The following EPG5 variants were observed in gnomAD, a reference collection of about 807,000 sequenced individuals.
The protein encoded by EPG5 is ectopic P granules protein 5 homolog.
EPG5 carries 159 observed loss-of-function variants against 302.7 expected under a neutral mutation model. The observed-to-expected ratio is 0.53, with a 90% CI of 0.46 to 0.60. The LOEUF (loss-of-function observed/expected upper bound fraction) is 0.60, where lower values mean the gene tolerates loss of function less well. EPG5 is among the 20% of genes least tolerant of loss of function. The pLI, the probability that EPG5 is intolerant of heterozygous loss-of-function variation, is 0.00. For missense variants in EPG5, 2,896 were observed against 3,092.4 expected, an observed-to-expected ratio of 0.94 and a Z score of 1.51; for synonymous variants, 1,158 against 1,136.8, an observed-to-expected ratio of 1.02 and a Z score of -0.37.
At chr18:45,911,078 T>TAA (rs1555673370) in intron 22 of EPG5, among the ~76,000 whole-genome samples, 1 of 135,334 alleles carries the variant, frequency 7.4e-6, no homozygotes, top group Non-Finnish European at 1.6e-5. Flanking sequence ...TATCTATCTA[T>TAA]ACACACACAC....
At chr18:45,822,953 C>T in the EPG5 span, among the ~76,000 whole-genome samples, 1 of 152,092 alleles carries the variant, frequency 6.6e-6, no homozygotes, top group Non-Finnish European at 1.5e-5. Flanking sequence ...CAGCCACATC[C>T]CCAAGTTCCC....
chr18:45,866,411 G>A (rs545745714), intron 38 of EPG5, among the ~76,000 whole-genome samples: 54 of 152,154 alleles, frequency 3.5e-4, no homozygotes, highest in Non-Finnish European at 5.9e-4. Context: ...GTGAGCCACC[G>A]CACCCAGCCT....
chr18:45,920,394 A>G (rs2050127999), intron 16 of EPG5, among the ~76,000 whole-genome samples: 1 of 152,174 alleles, frequency 6.6e-6, no homozygotes, highest in Non-Finnish European at 1.5e-5. Flanking sequence ...GGAACACAAC[A>G]TCACTCTGCT....
chr18:45,825,957 C>T, the EPG5 span, among the ~76,000 whole-genome samples: 64 of 152,216 alleles, frequency 4.2e-4, 1 homozygote, highest in Non-Finnish European at 9.1e-4. Flanking sequence ...CAAATCAGTG[C>T]TGTGTCTTGG....
chr18:45,922,695 C>A, intron 15 of EPG5, 95 bp from the exon 16 acceptor site: 1 of 1,407,302 alleles, frequency 7.1e-7, no homozygotes. Context: ...ACAATGCCCT[C>A]AACGCAGAGG....
chr18:45,832,768 G>A, the EPG5 span, among the ~76,000 whole-genome samples: 5 of 152,214 alleles, frequency 3.3e-5, no homozygotes, highest in Non-Finnish European at 5.9e-5. Context: ...TAAGCTGCCA[G>A]AGGGAATTGT....
intron 16 of EPG5, among the ~76,000 whole-genome samples, chr18:45,919,473 A>G (rs890075372): frequency 1.3e-5 from 2 of 152,206 alleles, no homozygotes; most frequent in Non-Finnish European, 2.9e-5. Context: ...TGCACTCAAG[A>G]GAATCACGTC....
At chr18:45,909,402 T>C (rs2049840321) in intron 23 of EPG5, among the ~76,000 whole-genome samples, 1 of 152,144 alleles carries the variant, frequency 6.6e-6, no homozygotes, top group African/African-American at 2.4e-5. Flanking sequence ...ACAAGCAACA[T>C]AAGGGAAGAA....
At chr18:45,932,212 A>G in intron 11 of EPG5, among the ~76,000 whole-genome samples, 1 of 152,166 alleles carries the variant, frequency 6.6e-6, no homozygotes, top group East Asian at 1.9e-4. Flanking sequence ...TATATTTTAA[A>G]TAACTCTATA....
At chr18:45,833,590 G>A in the EPG5 span, among the ~76,000 whole-genome samples, 4 of 152,180 alleles carry the variant, frequency 2.6e-5, no homozygotes, top group Non-Finnish European at 4.4e-5. Flanking sequence ...TGGAATTACA[G>A]GCATGAGCCA....
chr18:45,820,152 G>A, the EPG5 span, among the ~76,000 whole-genome samples: 3 of 152,050 alleles, frequency 2.0e-5, no homozygotes, highest in South Asian at 2.1e-4. Flanking sequence ...GAAAATAACC[G>A]GGTTTTCCAG....
chr18:45,841,201 C>G, the EPG5 span: 1 of 152,586 alleles, frequency 6.6e-6, no homozygotes, highest in Non-Finnish European at 1.5e-5. Flanking sequence ...AGATCAAGTT[C>G]TCTTGGAGGA....
the EPG5 span, among the ~76,000 whole-genome samples, chr18:45,812,327 A>C: frequency 6.6e-6 from 1 of 152,236 alleles, no homozygotes; most frequent in African/African-American, 2.4e-5. Context: ...AATATCGTGA[A>C]AATGGCCACA....
chr18:45,957,346 A>G (rs993402322), intron 1 of EPG5, among the ~76,000 whole-genome samples: 6 of 152,230 alleles, frequency 3.9e-5, no homozygotes, highest in South Asian at 2.1e-4. Flanking sequence ...CAGATCCAGA[A>G]GTCAGTCACC....
At chr18:45,815,751 G>A in the EPG5 span, among the ~76,000 whole-genome samples, 5 of 152,028 alleles carry the variant, frequency 3.3e-5, no homozygotes, top group Non-Finnish European at 7.4e-5. Flanking sequence ...AATTCACAAC[G>A]ATACTACCAT....
chr18:45,952,471 T>A lies in EPG5; in HGVS notation c.1181A>T (p.Glu394Val), dbSNP rs1335399941. The A allele has an allele frequency of 6.8e-6, 11 of 1,614,208 alleles. No individual in the cohort carries two copies. The highest frequency in any genetic ancestry group is 9.3e-6 in the Non-Finnish European group (11 of 1,180,024). ...YTSVLSRLQV[E>V]SYIYALLSSS... The stretch of plus-strand genomic sequence containing the variant: ...ACTGAGCAATGCATAGATGTAAGAC[T>A]CCACTTGCAATCTTGAGAGCACAGA... Residue 394 changes from glutamate (E) to valine (V), a missense_variant, in exon 3 of 44, where the codon GAG (glutamate) becomes GTG (valine). By Grantham distance (121) the Glu-to-Val change is moderately radical (BLOSUM62 -2). Coordinates refer to ENST00000282041, the MANE Select transcript of EPG5 (RefSeq NM_020964.3).
intron 3 of EPG5, 134 bp downstream of exon 3, chr18:45,952,266 G>A (rs1234875248): frequency 2.0e-6 from 2 of 1,010,834 alleles, no homozygotes. Flanking sequence ...CTACAGTGGG[G>A]GAGGCCTGGT....
intron 10 of EPG5, among the ~76,000 whole-genome samples, chr18:45,936,274 G>A (rs1264309754): frequency 1.3e-5 from 2 of 152,128 alleles, no homozygotes; most frequent in Admixed American, 1.3e-4. Flanking sequence ...ATATAAACCA[G>A]TTTATAACTA....
At chr18:45,865,349 C>A (rs2048721471) in intron 39 of EPG5, among the ~76,000 whole-genome samples, 1 of 152,166 alleles carries the variant, frequency 6.6e-6, no homozygotes, top group Non-Finnish European at 1.5e-5. Flanking sequence ...CCTAGAAATG[C>A]CGCTCACTGA....
Sources: gnomAD v4.1 joint callset for allele counts (sites outside exome capture counted in the v4.1 genomes callset) on GRCh38, gnomAD v4.1.1 for gene constraint, MANE v1.5 for transcripts, NCBI Gene and HGNC (gene_info 2026-07-23, HGNC 2026-07-21) for gene names.